The following AK5 variants were observed in gnomAD, a reference collection of about 807,000 sequenced individuals.
AK5 encodes the protein adenylate kinase 5, also known as adenylate kinase isoenzyme 5.
In AK5, 27 loss-of-function variants were observed where a neutral mutation model predicts 69.5. The ratio of observed to expected loss-of-function variants is 0.39; its 90% CI spans 0.29 to 0.54. The LOEUF is 0.54. AK5 is among the 20% of genes least tolerant of loss of function. AK5 has a pLI of 0.71. For synonymous variants in AK5, 260 were observed against 244.4 expected (o/e 1.06, Z -0.60); for missense variants, 531 against 700.4 (o/e 0.76, Z 2.73).
At chr1:77,388,858 T>C (rs950268931) in intron 6 of AK5, among the ~76,000 whole-genome samples, 2 of 152,150 alleles carry the variant, frequency 1.3e-5, no homozygotes, top group Non-Finnish European at 2.9e-5. Flanking sequence ...CTGGAAGGGC[T>C]GCTGTTGCAA....
intron 10 of AK5, among the ~76,000 whole-genome samples, chr1:77,489,453 G>A (rs774250749): frequency 7.9e-5 from 12 of 152,160 alleles, no homozygotes; most frequent in Admixed American, 2.0e-4. Context: ...TTCTAAATAT[G>A]TCCTTGACAG....
chr1:77,404,473 C>T (rs868383751), intron 6 of AK5, among the ~76,000 whole-genome samples: 7 of 152,090 alleles, frequency 4.6e-5, no homozygotes, highest in African/African-American at 1.7e-4. Context: ...AGCCAGTTCT[C>T]CCTTCACCAT....
rs569209430 is a variant in AK5 at position 77,486,127 on chromosome 1, C to T, written c.1103-181C>T. Among the ~76,000 whole-genome samples, 67 of 152,036 alleles carry T rather than the reference C, an allele frequency of 4.4e-4. 3 individuals carry two copies. In the South Asian group the frequency reaches 0.014, roughly 31 times the overall value. On this transcript the variant is annotated intron_variant, in intron 9 of 13. Transcript: ENST00000354567. ...GAGACCATCTCAAAAAACAAACAAA[C>T]AAACAAAAACACTGAAATGGTCATT...
chr1:77,355,513 C>T (rs1049014887), intron 6 of AK5, among the ~76,000 whole-genome samples: 9 of 152,074 alleles, frequency 5.9e-5, no homozygotes, highest in Non-Finnish European at 1.5e-5. Context: ...AAGGACTTTT[C>T]CCTCTCCCTG....
chr1:77,292,746 C>T (rs1381576126), intron 2 of AK5, among the ~76,000 whole-genome samples: 1 of 152,158 alleles, frequency 6.6e-6, no homozygotes. Context: ...TGTTATATTT[C>T]CTGCATTTCA....
Position 77,535,982 on chromosome 1 carries a change from T to A in AK5, c.1564T>A (p.Tyr522Asn), listed in dbSNP as rs202099336. ...CATCGCCAAGCGCCTAGAAGCCTAC[T>A]ACCGAGCGTCCATCCCCGTGATCGC... Reference protein sequence around the residue: ...KTIAKRLEAYYRASIPVIAYY... With the variant: ...KTIAKRLEAYNRASIPVIAYY... The change falls in exon 13 of 14, where the codon TAC becomes AAC. Residue 522 changes from tyrosine to asparagine, a missense_variant. Coordinates refer to ENST00000354567, the MANE Select transcript of AK5 (RefSeq NM_174858.3). The A allele has an allele frequency of 6.2e-7, 1 of 1,613,394 alleles. No individual in the cohort carries two copies. The highest frequency in any genetic ancestry group is 1.3e-5 in the African/African-American group (1 of 74,752).
intron 10 of AK5, among the ~76,000 whole-genome samples, chr1:77,517,594 G>T (rs887541732): frequency 6.6e-6 from 1 of 152,056 alleles, no homozygotes; most frequent in African/African-American, 2.4e-5. Context: ...TACAGTAAGC[G>T]CTTGATAAAG....
chr1:77,377,496 C>G (rs954617254), intron 6 of AK5, among the ~76,000 whole-genome samples: 3 of 152,172 alleles, frequency 2.0e-5, no homozygotes, highest in African/African-American at 4.8e-5. Context: ...CTTCCTCCCT[C>G]CCATGCCATC....
chr1:77,282,216 T>C lies in AK5; in HGVS notation c.-98T>C. On this transcript the variant is annotated 5_prime_UTR_variant, in exon 1 of 14. Coordinates refer to ENST00000354567, the MANE Select transcript of AK5 (RefSeq NM_174858.3). ...GTGAGAAAGAGGGCTGCACCGCTGC[T>C]CGGCGCGGACTCTGCCAGCCCCAGC... The C allele has an allele frequency of 8.4e-7, 1 of 1,189,788 alleles. No homozygotes were observed. 73.7% of individuals were successfully genotyped at this position (1,189,788 alleles called of 1,614,324 possible). A position where few individuals can be genotyped will look rare whatever the true frequency, so the allele number is the denominator to read the frequency against.
chr1:77,498,557 T>C (rs1656499796), intron 10 of AK5, among the ~76,000 whole-genome samples: 1 of 152,188 alleles, frequency 6.6e-6, no homozygotes, highest in Non-Finnish European at 1.5e-5. Flanking sequence ...CCACTCACTG[T>C]TCCTCAGTTT....
At chr1:77,453,287 A>G (rs1338970725) in intron 8 of AK5, among the ~76,000 whole-genome samples, 2 of 152,268 alleles carry the variant, frequency 1.3e-5, no homozygotes, top group African/African-American at 2.4e-5. Context: ...CACATGGCAC[A>G]TGGCAGGTTT....
intron 12 of AK5, among the ~76,000 whole-genome samples, chr1:77,525,792 A>G (rs1658244796): frequency 6.6e-6 from 1 of 152,134 alleles, no homozygotes; most frequent in Non-Finnish European, 1.5e-5. Flanking sequence ...TGGACTGTCT[A>G]TTCTATTGGT....
rs1466822862 is a variant in AK5, at chr1:77,467,902, C to T, written c.1060-15415C>T. On this transcript the variant is annotated intron_variant, in intron 8 of 13. Transcript: ENST00000354567. ...TTACATCATCCCTTCCTCATCATCC[C>T]TCACCCGGTGCTCATAGCAGTATCA... is the stretch of plus-strand genomic sequence containing the variant. Among the ~76,000 whole-genome samples the T allele has an allele frequency of 2.6e-5, 4 of 152,194 alleles. No homozygotes were observed. In the South Asian group the frequency reaches 8.3e-4, roughly 31 times the overall value.
At chr1:77,474,632 T>G (rs759155739) in intron 8 of AK5, among the ~76,000 whole-genome samples, 2 of 152,158 alleles carry the variant, frequency 1.3e-5, no homozygotes, top group Non-Finnish European at 2.9e-5. Context: ...GGAAGAGGAC[T>G]GGAGAAGGAG....
At chr1:77,447,240 A>G (rs1652806739) in intron 8 of AK5, among the ~76,000 whole-genome samples, 1 of 152,236 alleles carries the variant, frequency 6.6e-6, no homozygotes, top group African/African-American at 2.4e-5. Context: ...TCATAAATTC[A>G]TATGGATAAA....
intron 13 of AK5, among the ~76,000 whole-genome samples, chr1:77,538,843 T>G (rs1659125382): frequency 6.6e-6 from 1 of 152,168 alleles, no homozygotes; most frequent in Admixed American, 6.5e-5. Flanking sequence ...CAGGGTTGAG[T>G]TCTCAGACAA....
chr1:77,547,423 G>A (rs1177274088), intron 13 of AK5, among the ~76,000 whole-genome samples: 1 of 151,956 alleles, frequency 6.6e-6, no homozygotes, highest in Non-Finnish European at 1.5e-5. Context: ...ACAGGTGTGT[G>A]CCACCATGTG....
intron 5 of AK5, among the ~76,000 whole-genome samples, chr1:77,331,357 A>G (rs1050100212): frequency 6.6e-6 from 1 of 152,086 alleles, no homozygotes; most frequent in Non-Finnish European, 1.5e-5. Context: ...TTCATTTTGT[A>G]TATTTGTTCT....
intron 8 of AK5, among the ~76,000 whole-genome samples, chr1:77,479,964 C>G (rs2803158): frequency 0.98 from 149,687 of 152,328 alleles, 73,600 homozygotes; most frequent in East Asian, 1. Context: ...CCTGAATAAG[C>G]CTACAGCCTT....
Sources: gnomAD v4.1 joint callset for allele counts (sites outside exome capture counted in the v4.1 genomes callset) on GRCh38, gnomAD v4.1.1 for gene constraint, MANE v1.5 for transcripts, NCBI Gene and HGNC (gene_info 2026-07-23, HGNC 2026-07-21) for gene names.